Variants in FHOD3 observed in about 807,000 individuals in gnomAD.
FHOD3 encodes FH1/FH2 domain-containing protein 3.
Under a neutral mutation model 173.0 loss-of-function variants are expected in FHOD3, and 90 were observed. That is an observed-to-expected ratio of 0.52 (90% CI 0.44 to 0.62). FHOD3 has a LOEUF of 0.62. Ranked by LOEUF, FHOD3 falls within the 20% of genes least tolerant of loss-of-function variation. The pLI is 0.00. For missense variants in FHOD3, 1,945 were observed against 2,034.7 expected (o/e 0.96, Z 0.85); for synonymous variants, 828 against 823.0 (o/e 1.01, Z -0.10).
intron 3 of FHOD3, among the ~76,000 whole-genome samples, chr18:36,498,448 A>G (rs1309462060): frequency 6.6e-6 from 1 of 152,202 alleles, no homozygotes; most frequent in Non-Finnish European, 1.5e-5. Context: ...GACCAAGTAA[A>G]ATAGAAGACA....
At chr18:36,561,059 T>C (rs2058066637) in intron 5 of FHOD3, among the ~76,000 whole-genome samples, 1 of 152,140 alleles carries the variant, frequency 6.6e-6, no homozygotes, top group South Asian at 2.1e-4. Context: ...TTGTGATATC[T>C]AAGATGTTTT....
chr18:36,426,875 T>A (rs1380412993), intron 3 of FHOD3, among the ~76,000 whole-genome samples: 1 of 152,156 alleles, frequency 6.6e-6, no homozygotes, highest in African/African-American at 2.4e-5. Flanking sequence ...CACATAGTTA[T>A]AAATGGTTTT....
intron 22 of FHOD3, 68 bp downstream of exon 22, chr18:36,742,924 A>G: frequency 1.3e-6 from 2 of 1,559,246 alleles, no homozygotes; most frequent in Non-Finnish European, 1.7e-6. Context: ...GCAATTGCTG[A>G]TGAAGGTTGT....
chr18:36,371,608 C>T lies in FHOD3; in HGVS notation c.273-1072C>T, dbSNP rs117117686. Among the ~76,000 whole-genome samples, 25 of 152,292 alleles carry T rather than the reference C, an allele frequency of 1.6e-4. 1 individual carries two copies. The East Asian group carries it at 4.8e-3, about 29-fold the overall frequency. On this transcript the variant is annotated intron_variant, in intron 2 of 28. Coordinates refer to ENST00000590592, the MANE Select transcript of FHOD3 (RefSeq NM_001281740.3). ...CCAAATCATATCAGAATCAACAAAC[C>T]ATTGTTTAAACCATACTTCTGTCTC...
rs77706427 is a variant in FHOD3 at position 36,364,204 on chromosome 18, T to C, written c.273-8476T>C. Reference sequence around the variant, plus strand: ...CTGTTGCAACCAAGAAATCTCCCAATGTGGCAGTTTAAATAAAATAAAAGT... The same window carrying C: ...CTGTTGCAACCAAGAAATCTCCCAACGTGGCAGTTTAAATAAAATAAAAGT... On this transcript the variant is annotated intron_variant, in intron 2 of 28. Coordinates refer to ENST00000590592, the MANE Select transcript of FHOD3 (RefSeq NM_001281740.3). Among the ~76,000 whole-genome samples, 1,082 of 152,018 alleles carry C rather than the reference T, an allele frequency of 7.1e-3. 12 individuals are homozygous for C. Among genetic ancestry groups the C allele is most frequent in the African/African-American group, 0.025 (1,043 of 41,308 alleles).
rs190331340 is a variant in FHOD3 at position 36,647,125 on chromosome 18, C to A, written c.1197-2191C>A. On this transcript the variant is annotated intron_variant, in intron 10 of 28. Coordinates refer to ENST00000590592, the MANE Select transcript of FHOD3 (RefSeq NM_001281740.3). Reference sequence around the variant, plus strand: ...GGCATGGTGGTGGGTGCCTGTAATCCCAGCTACTTGGGAGGCTGAGGCAGG... The same window carrying A: ...GGCATGGTGGTGGGTGCCTGTAATCACAGCTACTTGGGAGGCTGAGGCAGG... Among the ~76,000 whole-genome samples the A allele has an allele frequency of 3.5e-4, 54 of 152,138 alleles. No individual in the cohort carries two copies. In the East Asian group the frequency reaches 9.7e-3, roughly 27 times the overall value.
chr18:36,382,037 A>G (rs1254028217), intron 3 of FHOD3, among the ~76,000 whole-genome samples: 1 of 152,170 alleles, frequency 6.6e-6, no homozygotes, highest in South Asian at 2.1e-4. Context: ...GCAGGGCTCC[A>G]TGGTGCCAGC....
At chr18:36,594,118 G>C (rs990343921) in intron 6 of FHOD3, among the ~76,000 whole-genome samples, 7 of 152,324 alleles carry the variant, frequency 4.6e-5, no homozygotes, top group African/African-American at 1.7e-4. Flanking sequence ...TCAGTTGGGA[G>C]GTTTGGGGTT....
At chr18:36,406,306 C>T (rs2049062111) in intron 3 of FHOD3, among the ~76,000 whole-genome samples, 1 of 152,204 alleles carries the variant, frequency 6.6e-6, no homozygotes, top group African/African-American at 2.4e-5. Flanking sequence ...TGAGCTGAGT[C>T]AGACAGCTCA....
At chr18:36,343,813 A>C (rs780586880) in intron 1 of FHOD3, among the ~76,000 whole-genome samples, 8 of 152,216 alleles carry the variant, frequency 5.3e-5, no homozygotes, top group Non-Finnish European at 1.0e-4. Flanking sequence ...TAACAACACA[A>C]AACAGACAAA....
chr18:36,417,931 GT>G (rs1197697953), intron 3 of FHOD3, among the ~76,000 whole-genome samples: 2 of 152,086 alleles, frequency 1.3e-5, no homozygotes, highest in African/African-American at 4.8e-5. Context: ...AAATTTTTTG[GT>G]TTACAGAGCT....
chr18:36,407,170 G>A (rs2049114852), intron 3 of FHOD3, among the ~76,000 whole-genome samples: 1 of 152,220 alleles, frequency 6.6e-6, no homozygotes, highest in Non-Finnish European at 1.5e-5. Flanking sequence ...ACATAGGAAT[G>A]TGGTCCAGAG....
At chr18:36,575,364 T>G (rs2058610699) in intron 5 of FHOD3, among the ~76,000 whole-genome samples, 1 of 152,232 alleles carries the variant, frequency 6.6e-6, no homozygotes, top group African/African-American at 2.4e-5. Flanking sequence ...GTGTTTACTG[T>G]TTTCTGTTTT....
intron 17 of FHOD3, among the ~76,000 whole-genome samples, chr18:36,700,992 T>C (rs1315505794): frequency 1.3e-5 from 2 of 152,246 alleles, no homozygotes; most frequent in Non-Finnish European, 2.9e-5. Context: ...GATGCAGGGC[T>C]TACCTCACTG....
chr18:36,412,366 A>G (rs911407964), intron 3 of FHOD3, among the ~76,000 whole-genome samples: 1 of 152,250 alleles, frequency 6.6e-6, no homozygotes, highest in African/African-American at 2.4e-5. Context: ...TTAAACTAAA[A>G]TTTATAGAAA....
chr18:36,720,976 C>T (rs576624203), intron 19 of FHOD3, among the ~76,000 whole-genome samples: 3 of 152,214 alleles, frequency 2.0e-5, no homozygotes, highest in Non-Finnish European at 4.4e-5. Flanking sequence ...TAAAAGTTTC[C>T]TCGAGAAGGC....
chr18:36,519,973 T>TTA lies in FHOD3; in HGVS notation c.511+7430_511+7431insTA, dbSNP rs1555738659. Among the ~76,000 whole-genome samples the TTA allele has an allele frequency of 3.9e-4, 59 of 150,244 alleles. 1 individual carries two copies. Among genetic ancestry groups the TTA allele is most frequent in the African/African-American group, 1.5e-3 (59 of 40,602 alleles). ...TTCTTTCATTTTTTTTTTTTTTTTT[T>TTA]AAAGAGATGTAGTTTTAGTCTATCA... On this transcript the variant is annotated intron_variant, in intron 5 of 28. Coordinates refer to ENST00000590592, the MANE Select transcript of FHOD3 (RefSeq NM_001281740.3).
intron 3 of FHOD3, among the ~76,000 whole-genome samples, chr18:36,491,582 C>T (rs1265533554): frequency 2.0e-5 from 3 of 152,186 alleles, no homozygotes; most frequent in Non-Finnish European, 4.4e-5. Context: ...TTCCCTCCCT[C>T]CTCCAAACCC....
chr18:36,448,564 C>T (rs1437489348), intron 3 of FHOD3, among the ~76,000 whole-genome samples: 1 of 152,124 alleles, frequency 6.6e-6, no homozygotes, highest in African/African-American at 2.4e-5. Context: ...CTTGGCTTCC[C>T]AAGCATTTTA....
Sources: gnomAD v4.1 joint callset for allele counts (sites outside exome capture counted in the v4.1 genomes callset) on GRCh38, gnomAD v4.1.1 for gene constraint, MANE v1.5 for transcripts, NCBI Gene and HGNC (gene_info 2026-07-23, HGNC 2026-07-21) for gene names.